Variants in THRB observed in about 807,000 individuals in gnomAD.
THRB encodes nuclear receptor subfamily 1 group A member 2.
A neutral mutation model predicts 47.8 loss-of-function variants in THRB; 12 were observed. The ratio of observed to expected loss-of-function variants is 0.25; its 90% CI spans 0.16 to 0.41. THRB has a LOEUF of 0.41. THRB is among the 10% of genes least tolerant of loss of function. The pLI is 1.00. For synonymous variants in THRB, 218 were observed against 212.2 expected, an observed-to-expected ratio of 1.03 and a Z score of -0.24; for missense variants, 348 against 589.2, an observed-to-expected ratio of 0.59 and a Z score of 4.24.
intron 6 of THRB, among the ~76,000 whole-genome samples, chr3:24,150,450 G>C (rs1157661414): frequency 6.6e-6 from 1 of 152,054 alleles, no homozygotes; most frequent in East Asian, 1.9e-4. Context: ...CTAGAAACAG[G>C]ATTCTGACCT....
intron 1 of THRB, among the ~76,000 whole-genome samples, chr3:24,451,225 T>G (rs1157541999): frequency 7.0e-6 from 1 of 143,586 alleles, no homozygotes; most frequent in Admixed American, 7.3e-5. Context: ...AGCCACTACA[T>G]GTACTTTTTT....
chr3:24,163,296 A>G (rs922704223), intron 5 of THRB, among the ~76,000 whole-genome samples: 3 of 152,200 alleles, frequency 2.0e-5, no homozygotes, highest in African/African-American at 4.8e-5. Context: ...TGGCCTTTCA[A>G]TGACATATGG....
At chr3:24,200,580 G>C (rs1040347435) in intron 4 of THRB, among the ~76,000 whole-genome samples, 2 of 152,174 alleles carry the variant, frequency 1.3e-5, no homozygotes, top group Non-Finnish European at 2.9e-5. Flanking sequence ...TGTTAGCAGA[G>C]TAACATATAG....
chr3:24,495,345 C>T (rs1158928769), upstream of THRB: 1 of 153,396 alleles, frequency 6.5e-6, no homozygotes, highest in Non-Finnish European at 1.5e-5. Context: ...GCTGCCCAGC[C>T]GGTACAGACG....
At chr3:24,462,712 T>A (rs1434299044) in intron 1 of THRB, among the ~76,000 whole-genome samples, 2 of 152,214 alleles carry the variant, frequency 1.3e-5, no homozygotes, top group African/African-American at 2.4e-5. Context: ...TCTTCCTTTG[T>A]TCCTGCCCAG....
chr3:24,225,365 G>C (rs1352771304), intron 4 of THRB, among the ~76,000 whole-genome samples: 1 of 152,126 alleles, frequency 6.6e-6, no homozygotes. Context: ...CCACAGTAGG[G>C]AAGCTAAACA....
intron 3 of THRB, among the ~76,000 whole-genome samples, chr3:24,287,778 A>T (rs956944651): frequency 3.3e-5 from 5 of 152,328 alleles, no homozygotes; most frequent in Admixed American, 2.6e-4. Context: ...ACACAATTCA[A>T]ATGTAGGCTC....
chr3:24,194,138 T>C (rs952192500), intron 4 of THRB, among the ~76,000 whole-genome samples: 2 of 152,112 alleles, frequency 1.3e-5, no homozygotes, highest in Non-Finnish European at 2.9e-5. Flanking sequence ...GTCAGGGTGA[T>C]GAGGGATAAA....
At chr3:24,178,086 C>A (rs2041407341) in intron 5 of THRB, among the ~76,000 whole-genome samples, 1 of 152,108 alleles carries the variant, frequency 6.6e-6, no homozygotes, top group Non-Finnish European at 1.5e-5. Context: ...TTTCTTCTGA[C>A]ATTCACCTTT....
chr3:24,474,259 G>C (rs1695122894), intron 1 of THRB, among the ~76,000 whole-genome samples: 1 of 152,164 alleles, frequency 6.6e-6, no homozygotes, highest in Non-Finnish European at 1.5e-5. Context: ...TTCAGAGCAA[G>C]TACAGTACTC....
At chr3:24,167,374 T>C (rs559346300) in intron 5 of THRB, among the ~76,000 whole-genome samples, 2 of 152,294 alleles carry the variant, frequency 1.3e-5, no homozygotes, top group African/African-American at 4.8e-5. Context: ...ATCGTGTTTT[T>C]ACTTTCTGAT....
chr3:24,208,217 G>A (rs948387839), intron 4 of THRB, among the ~76,000 whole-genome samples: 4 of 151,672 alleles, frequency 2.6e-5, no homozygotes, highest in African/African-American at 9.7e-5. Flanking sequence ...ACAAATGGAA[G>A]AACATTCCAT....
intron 4 of THRB, among the ~76,000 whole-genome samples, chr3:24,209,441 G>C (rs1281150278): frequency 1.3e-5 from 2 of 152,170 alleles, no homozygotes; most frequent in Admixed American, 6.5e-5. Flanking sequence ...GTCCATCAAT[G>C]ATAGACTGGA....
intron 5 of THRB, among the ~76,000 whole-genome samples, chr3:24,184,260 T>C (rs749537757): frequency 5.3e-5 from 8 of 152,200 alleles, no homozygotes; most frequent in Non-Finnish European, 1.0e-4. Context: ...TTCCAGTTTA[T>C]CAGTAACAAA....
Position 24,437,173 on chromosome 3 carries a change from G to GTA in THRB, c.-261+57477_-261+57478dup, listed in dbSNP as rs1247832134. ...ATGAAATGTATATATATAACGAAAT[G>GTA]TATATATATATATAATGAAATATTA... On this transcript the variant is annotated intron_variant, in intron 1 of 10. Transcript: ENST00000646209. 3.5e-3 allele frequency among the ~76,000 whole-genome samples: 521 copies of GTA among 147,266 alleles called. 4 individuals carry two copies. Among genetic ancestry groups the GTA allele is most frequent in the African/African-American group, 0.012 (472 of 40,328 alleles).
intron 3 of THRB, among the ~76,000 whole-genome samples, chr3:24,231,702 G>T (rs1050115979): frequency 2.0e-5 from 3 of 152,100 alleles, no homozygotes; most frequent in Non-Finnish European, 4.4e-5. Flanking sequence ...GAAGGCAGGT[G>T]TCCCGGGGCC....
intron 1 of THRB, among the ~76,000 whole-genome samples, chr3:24,371,768 C>T (rs2064934443): frequency 6.6e-6 from 1 of 152,134 alleles, no homozygotes; most frequent in African/African-American, 2.4e-5. Flanking sequence ...GTGGTCCCAA[C>T]CCTTGGAGGC....
intron 1 of THRB, among the ~76,000 whole-genome samples, chr3:24,346,567 G>T (rs2063031636): frequency 6.6e-6 from 1 of 151,814 alleles, no homozygotes; most frequent in South Asian, 2.1e-4. Context: ...GCTTAACTGA[G>T]ACACTTTTGA....
In THRB at chr3:24,269,379, T is replaced by C. The variant is rs1420782599; in HGVS notation, c.-43+27847A>G. On this transcript the variant is annotated intron_variant, in intron 3 of 10. Transcript: ENST00000646209. ...GCAGCGACACCATCATAGCTCATCA[T>C]AGCTCACACGCGCGCGCGCGCGCGC... Among the ~76,000 whole-genome samples the C allele has an allele frequency of 5.6e-5, 7 of 125,074 alleles. No individual in the cohort carries two copies. The Admixed American group carries it at 6.0e-4, about 11-fold the overall frequency. The allele number at this position is 125,074 out of a possible 152,430, so 82.1% of individuals were successfully genotyped here. A position where few individuals can be genotyped will look rare whatever the true frequency, so the allele number is the denominator to read the frequency against.
Sources: gnomAD v4.1 joint callset for allele counts (sites outside exome capture counted in the v4.1 genomes callset) on GRCh38, gnomAD v4.1.1 for gene constraint, MANE v1.5 for transcripts, NCBI Gene and HGNC (gene_info 2026-07-23, HGNC 2026-07-21) for gene names.